DPYSL2: variants seen among roughly 807,000 people sequenced by gnomAD.
DPYSL2 encodes dihydropyrimidinase-related protein 2.
In DPYSL2, 13 loss-of-function variants were observed where a neutral mutation model predicts 69.9. That is an observed-to-expected ratio of 0.19 (90% CI 0.12 to 0.30). The LOEUF is 0.30. DPYSL2 is among the 10% of genes least tolerant of loss of function. The pLI is 1.00. For synonymous variants in DPYSL2, 326 were observed against 359.1 expected, an observed-to-expected ratio of 0.91 and a Z score of 1.04; for missense variants, 587 against 918.9, an observed-to-expected ratio of 0.64 and a Z score of 4.67.
In DPYSL2 at chr8:26,586,499, C is replaced by T. The variant is rs1328299115; in HGVS notation, c.628+2516C>T. ...TTCCTGGGTCTGCCTCTTCCCTCCA[C>T]ACGCTCGCCCCGTGCTTAGGCCCCC... On this transcript the variant is annotated intron_variant, in intron 3 of 13. Coordinates refer to ENST00000521913, the MANE Select transcript of DPYSL2 (RefSeq NM_001197293.3). This position sits in a 1 kb window ranked among gnomAD's most constrained non-coding sequence, Gnocchi z 4.7. Among the ~76,000 whole-genome samples, 10 of 152,346 alleles carry T rather than the reference C, an allele frequency of 6.6e-5. No homozygotes were observed. The highest frequency in any genetic ancestry group is 2.4e-4 in the African/African-American group (10 of 41,580).
chr8:26,529,814 A>G (rs539602122), intron 1 of DPYSL2, among the ~76,000 whole-genome samples: 1 of 150,868 alleles, frequency 6.6e-6, no homozygotes, highest in African/African-American at 2.4e-5. Context: ...AGATGGCTGG[A>G]AAAGAATTAA....
At chr8:26,646,054 C>T (rs1198646911) in intron 10 of DPYSL2, among the ~76,000 whole-genome samples, 4 of 151,750 alleles carry the variant, frequency 2.6e-5, no homozygotes, top group East Asian at 1.9e-4. Context: ...TTAGTAGAGA[C>T]GGGGTTTTGC....
intron 1 of DPYSL2, among the ~76,000 whole-genome samples, chr8:26,561,921 G>A (rs1230122022): frequency 6.6e-6 from 1 of 152,142 alleles, no homozygotes; most frequent in African/African-American, 2.4e-5. Context: ...ACGGGTACTG[G>A]TCTGCAGCCC....
rs776018471 is a variant in DPYSL2, at chr8:26,656,748, G to A, written c.*1042G>A. The A allele has an allele frequency of 3.9e-5, 6 of 152,692 alleles. No individual in the cohort carries two copies. The highest frequency in any genetic ancestry group is 5.9e-5 in the Non-Finnish European group (4 of 68,106). The allele number at this position is 152,692 out of a possible 1,614,324, so 9.5% of individuals were successfully genotyped here. ...CATGAGGATGTGTGCTAGAGTGTGG[G>A]ACCCTGGCCAAGTGCAGGAATGGGC... On this transcript the variant is annotated 3_prime_UTR_variant, in exon 14 of 14. Coordinates refer to ENST00000521913, the MANE Select transcript of DPYSL2 (RefSeq NM_001197293.3).
chr8:26,636,828 C>A (rs977171969), intron 8 of DPYSL2, among the ~76,000 whole-genome samples: 1 of 152,158 alleles, frequency 6.6e-6, no homozygotes, highest in Non-Finnish European at 1.5e-5. Flanking sequence ...GCAGTCTCCG[C>A]CTCCTGGACT....
At chr8:26,566,101 G>A (rs1801145245) in intron 1 of DPYSL2, among the ~76,000 whole-genome samples, 1 of 152,230 alleles carries the variant, frequency 6.6e-6, no homozygotes, top group Admixed American at 6.5e-5. Context: ...AGCTGATTAT[G>A]TCCTGAATAA....
rs547214258 is a variant in DPYSL2 at position 26,626,591 on chromosome 8, C to T, written c.794-26C>T. The T allele has an allele frequency of 1.2e-6, 2 of 1,610,862 alleles. No individual in the cohort carries two copies. Among genetic ancestry groups the T allele is most frequent in the African/African-American group, 1.3e-5 (1 of 74,866 alleles). On this transcript the variant is annotated intron_variant, in intron 4 of 13. Transcript: ENST00000521913. This position sits in a 1 kb window ranked among gnomAD's most constrained non-coding sequence, Gnocchi z 4.3. Reference sequence around the variant, plus strand: ...GTTATTTGGTTTATCTATTAAAAGTCCACTTCTCTATTTTGTCCGCACTAG... The same window carrying T: ...GTTATTTGGTTTATCTATTAAAAGTTCACTTCTCTATTTTGTCCGCACTAG...
In DPYSL2 at chr8:26,655,219, G is replaced by T. The variant is rs557866232; in HGVS notation, c.1943-396G>T. On this transcript the variant is annotated intron_variant, in intron 13 of 13. Transcript: ENST00000521913. ...AGAGAAGAACAAAGAATGTGAGGCC[G>T]GGCAGGGTGGCTCACACCTCTTATC... Among the ~76,000 whole-genome samples, 6 of 152,238 alleles carry T rather than the reference G, an allele frequency of 3.9e-5. No individual in the cohort carries two copies. The East Asian group carries it at 9.7e-4, about 25-fold the overall frequency.
At chr8:26,625,641 C>CTAA (rs1229181467) in intron 4 of DPYSL2, among the ~76,000 whole-genome samples, 3 of 152,138 alleles carry the variant, frequency 2.0e-5, no homozygotes, top group Non-Finnish European at 4.4e-5. Context: ...GCTTGTTGAA[C>CTAA]TAATGGACCT....
chr8:26,632,151 C>T (rs1192623182), intron 7 of DPYSL2, among the ~76,000 whole-genome samples: 3 of 152,186 alleles, frequency 2.0e-5, no homozygotes, highest in Non-Finnish European at 4.4e-5. Context: ...CCTCGTTTTC[C>T]ACCCAGAGGA....
chr8:26,555,847 C>A (rs1181847139), intron 1 of DPYSL2, among the ~76,000 whole-genome samples: 4 of 147,902 alleles, frequency 2.7e-5, no homozygotes, highest in Non-Finnish European at 5.9e-5. Context: ...TGATTGTCAG[C>A]CTGGGTGACA....
intron 1 of DPYSL2, among the ~76,000 whole-genome samples, chr8:26,520,387 A>G (rs1007193725): frequency 6.6e-6 from 1 of 152,046 alleles, no homozygotes; most frequent in Non-Finnish European, 1.5e-5. Context: ...TATCACTCTA[A>G]TATATACTGA....
intron 1 of DPYSL2, among the ~76,000 whole-genome samples, chr8:26,549,200 T>TTAATAATAATAATAATAATAATAA (rs57336957): frequency 6.8e-6 from 1 of 146,398 alleles, no homozygotes; most frequent in Non-Finnish European, 1.5e-5. Context: ...AAAAATTAAG[T>TTAATAATAATAATAATAATAATAA]TAATAATAAT....
chr8:26,605,427 A>G lies in DPYSL2; in HGVS notation c.629-18716A>G, dbSNP rs1020712080. ...CAGCCTCTCAAGTAGAGTAGCCAGG[A>G]TTACATGCACCCACTACCACACCCA... On this transcript the variant is annotated intron_variant, in intron 3 of 13. Transcript: ENST00000521913. This position sits in a 1 kb window ranked among gnomAD's most constrained non-coding sequence, Gnocchi z 4.1. Among the ~76,000 whole-genome samples, 1 of 152,068 alleles carries G rather than the reference A, an allele frequency of 6.6e-6. No homozygotes were observed. The highest frequency in any genetic ancestry group is 2.4e-5 in the African/African-American group (1 of 41,404).
intron 3 of DPYSL2, among the ~76,000 whole-genome samples, chr8:26,599,728 T>C (rs185985983): frequency 6.6e-6 from 1 of 152,028 alleles, no homozygotes; most frequent in East Asian, 1.9e-4. Flanking sequence ...AAAAAATAAA[T>C]AAATAAAAAT....
intron 3 of DPYSL2, among the ~76,000 whole-genome samples, chr8:26,592,846 C>T (rs568108955): frequency 3.6e-4 from 55 of 152,300 alleles, no homozygotes; most frequent in African/African-American, 1.3e-3. Context: ...ACTTAACCAT[C>T]CATGGCTCTG....
intron 11 of DPYSL2, among the ~76,000 whole-genome samples, chr8:26,649,518 C>T (rs1219285435): frequency 2.0e-5 from 3 of 152,180 alleles, no homozygotes; most frequent in Non-Finnish European, 4.4e-5. Context: ...TCCAGGTGAC[C>T]TATGGAAGAA....
Position 26,648,491 on chromosome 8 carries a change from T to C in DPYSL2, c.1596+691T>C, listed in dbSNP as rs1803218120. Among the ~76,000 whole-genome samples, 2 of 152,188 alleles carry C rather than the reference T, an allele frequency of 1.3e-5. No individual in the cohort carries two copies. On this transcript the variant is annotated intron_variant, in intron 11 of 13. Transcript: ENST00000521913. This position sits in a 1 kb window ranked among gnomAD's most constrained non-coding sequence, Gnocchi z 4.3. Reference sequence around the variant, plus strand: ...GGGGTTCAGACGAGGTCTCCAAGTGTCCTGTGATTCTGTGAGGTCAGCAGA... The same window carrying C: ...GGGGTTCAGACGAGGTCTCCAAGTGCCCTGTGATTCTGTGAGGTCAGCAGA...
Position 26,627,145 on chromosome 8 carries a change from G to A in DPYSL2, c.856-70G>A, listed in dbSNP as rs768600415. On this transcript the variant is annotated intron_variant, in intron 5 of 13. Transcript: ENST00000521913. This position sits in a 1 kb window ranked among gnomAD's most constrained non-coding sequence, Gnocchi z 6.9. ...TCATCCCAGAAATGCCTCTGGTGGGGAGATGATTGTCTTTGTGAACAGGAA... is the reference window on the plus strand; with the variant it reads ...TCATCCCAGAAATGCCTCTGGTGGGAAGATGATTGTCTTTGTGAACAGGAA... 6 of 1,419,526 alleles carry A rather than the reference G, an allele frequency of 4.2e-6. No homozygotes were observed. Among genetic ancestry groups the A allele is most frequent in the Non-Finnish European group, 6.0e-6 (6 of 1,004,952 alleles). 87.9% of individuals were successfully genotyped at this position (1,419,526 alleles called of 1,614,324 possible). A position where few individuals can be genotyped will look rare whatever the true frequency, so the allele number is the denominator to read the frequency against.
Sources: gnomAD v4.1 joint callset for allele counts (sites outside exome capture counted in the v4.1 genomes callset) on GRCh38, gnomAD v4.1.1 for gene constraint, Gnocchi (gnomAD v3.1) non-coding constraint, MANE v1.5 for transcripts, NCBI Gene and HGNC (gene_info 2026-07-23, HGNC 2026-07-21) for gene names.